Variants in ZNF449 observed in about 807,000 individuals in gnomAD.
ZNF449 encodes the protein zinc finger protein 449.
Under a neutral mutation model 32.6 loss-of-function variants are expected in ZNF449, and 4 were observed. The observed-to-expected ratio is 0.12, with a 90% CI of 0.06 to 0.28. The LOEUF (loss-of-function observed/expected upper bound fraction) is 0.28. ZNF449 is among the 10% of genes least tolerant of loss of function. The pLI is 1.00. For synonymous variants in ZNF449, 123 were observed against 132.2 expected (o/e 0.93, Z 0.48); for missense variants, 275 against 383.2 (o/e 0.72, Z 2.36).
At chrX:135,350,316 C>G (rs782796027) in intron 3 of ZNF449, among the ~76,000 whole-genome samples, 188 of 111,799 alleles carry the variant, frequency 1.7e-3, no homozygotes, top group African/African-American at 5.7e-3. Context: ...CCAGTGTTCC[C>G]TGTACCTCTT....
chrX:135,347,987 T>A (rs191952690), intron 2 of ZNF449: 133 of 164,118 alleles, frequency 8.1e-4, no homozygotes, highest in Non-Finnish European at 1.5e-3. Context: ...AGAAACATAG[T>A]TTGTTATAAA....
At chrX:135,357,113 T>G (rs1359030801) in intron 3 of ZNF449, among the ~76,000 whole-genome samples, 1 of 112,084 alleles carries the variant, frequency 8.9e-6, no homozygotes, top group African/African-American at 3.2e-5. Flanking sequence ...TAGTGTCCTT[T>G]GTAGCCCAAA....
chrX:135,350,439 C>T (rs1270161189), intron 3 of ZNF449, among the ~76,000 whole-genome samples: 1 of 111,720 alleles, frequency 9.0e-6, no homozygotes, highest in Non-Finnish European at 1.9e-5. Flanking sequence ...ATACTGAGAC[C>T]ACAGAAGACA....
chrX:135,353,142 A>T (rs2084897524), intron 3 of ZNF449, among the ~76,000 whole-genome samples: 1 of 111,246 alleles, frequency 9.0e-6, no homozygotes, highest in South Asian at 3.8e-4. Context: ...TCCATAGGTT[A>T]CCTAAGTATC....
chrX:135,345,728 C>T (rs2084841089), intron 1 of ZNF449, among the ~76,000 whole-genome samples: 1 of 111,568 alleles, frequency 9.0e-6, no homozygotes, highest in African/African-American at 3.3e-5. Flanking sequence ...AAGGGGGATA[C>T]AAGGACAGAG....
rs782682913 is a variant in ZNF449, at chrX:135,361,120, C to A, written c.*44C>A. ...GGTCTTACACAAATTGACACTAACTCAAAAAAAATCTTAACCTGCAGCAGG... is the reference window on the plus strand; with the variant it reads ...GGTCTTACACAAATTGACACTAACTAAAAAAAAATCTTAACCTGCAGCAGG... On this transcript the variant is annotated 3_prime_UTR_variant, in exon 5 of 5. Coordinates refer to ENST00000339249, the MANE Select transcript of ZNF449 (RefSeq NM_152695.6). 3 of 1,063,489 alleles carry A rather than the reference C, an allele frequency of 2.8e-6. No homozygotes were observed. Among genetic ancestry groups the A allele is most frequent in the African/African-American group, 1.9e-5 (1 of 52,813 alleles). 87.6% of individuals were successfully genotyped at this position (1,063,489 alleles called of 1,213,427 possible). A position where few individuals can be genotyped will look rare whatever the true frequency, so the allele number is the denominator to read the frequency against.
rs548525118 is a variant in ZNF449, at chrX:135,350,446, G to A, written c.559+1132G>A. Reference sequence around the variant, plus strand: ...ACTGTTAAATACTGAGACCACAGAAGACACATAAAAAATGAAAATAAGAAC... The same window carrying A: ...ACTGTTAAATACTGAGACCACAGAAAACACATAAAAAATGAAAATAAGAAC... On this transcript the variant is annotated intron_variant, in intron 3 of 4. Coordinates refer to ENST00000339249, the MANE Select transcript of ZNF449 (RefSeq NM_152695.6). Among the ~76,000 whole-genome samples, 7 of 111,913 alleles carry A rather than the reference G, an allele frequency of 6.3e-5. No homozygotes were observed. The South Asian group carries it at 2.6e-3, about 42-fold the overall frequency.
chrX:135,351,452 A>G (rs532076486), intron 3 of ZNF449, among the ~76,000 whole-genome samples: 5 of 110,827 alleles, frequency 4.5e-5, no homozygotes, highest in African/African-American at 1.6e-4. Flanking sequence ...ACAAAAGAGG[A>G]AGATCAGATT....
At chrX:135,347,827 G>T in intron 2 of ZNF449, 1 of 420,753 alleles carries the variant, frequency 2.4e-6, no homozygotes, top group Non-Finnish European at 3.9e-6. Context: ...GTATGTAATG[G>T]TTTTTTTATC....
chrX:135,346,112 T>G (rs1487785894), intron 1 of ZNF449, among the ~76,000 whole-genome samples: 3 of 112,421 alleles, frequency 2.7e-5, no homozygotes, highest in African/African-American at 9.7e-5. Flanking sequence ...ACCCAGCTCC[T>G]AACCTTGGGT....
intron 3 of ZNF449, 95 bp downstream of exon 3, chrX:135,349,409 A>C: frequency 1.2e-6 from 1 of 827,376 alleles, no homozygotes; most frequent in Non-Finnish European, 1.7e-6. Context: ...CAATTACTCA[A>C]TGGAAATTGA....
intron 3 of ZNF449, 62 bp downstream of exon 3, chrX:135,349,376 G>C (rs901465321): frequency 1.9e-6 from 2 of 1,073,837 alleles, no homozygotes; most frequent in Non-Finnish European, 2.5e-6. Context: ...AACTCTCAAG[G>C]GTTGGGGTTG....
At chrX:135,348,320 G>T (rs782031864) in intron 2 of ZNF449, 142 of 125,052 alleles carry the variant, frequency 1.1e-3, no homozygotes, top group Non-Finnish European at 2.5e-3. Context: ...TTCTTGACAG[G>T]TTCTTTTTAC....
intron 2 of ZNF449, 113 bp downstream of exon 2, chrX:135,347,585 G>C: frequency 8.6e-7 from 1 of 1,168,479 alleles, no homozygotes; most frequent in East Asian, 3.2e-5. Context: ...GATTTCTCCA[G>C]AGTCCTCTTC....
At chrX:135,345,134 A>T (rs1157623175) in intron 1 of ZNF449, among the ~76,000 whole-genome samples, 1 of 112,937 alleles carries the variant, frequency 8.9e-6, no homozygotes, top group Non-Finnish European at 1.9e-5. Context: ...TAGCATCCGA[A>T]TTTGAATCAG....
chrX:135,349,934 A>G (rs1296247625), intron 3 of ZNF449, among the ~76,000 whole-genome samples: 1 of 111,549 alleles, frequency 9.0e-6, no homozygotes, highest in Non-Finnish European at 1.9e-5. Context: ...GAGAAAGTCC[A>G]AGTGGAGAAA....
Position 135,361,409 on chromosome X carries a change from A to G in ZNF449, c.*333A>G, listed in dbSNP as rs2084946784. 1 of 162,479 alleles carries G rather than the reference A, an allele frequency of 6.2e-6. No homozygotes were observed. The highest frequency in any genetic ancestry group is 3.1e-5 in the African/African-American group (1 of 32,643). The allele number at this position is 162,479 out of a possible 1,213,427, so 13.4% of individuals were successfully genotyped here. On this transcript the variant is annotated 3_prime_UTR_variant, in exon 5 of 5. Coordinates refer to ENST00000339249, the MANE Select transcript of ZNF449 (RefSeq NM_152695.6). ...CAATCCTTTTAGAGGTAGGGTCAAT[A>G]TAGTGGATAAACCTGTCTATCAGAC...
At chrX:135,351,775 C>T (rs2084889364) in intron 3 of ZNF449, among the ~76,000 whole-genome samples, 1 of 107,822 alleles carries the variant, frequency 9.3e-6, no homozygotes, top group Non-Finnish European at 1.9e-5. Context: ...CATTTGCATT[C>T]TGATTCTCCA....
chrX:135,355,761 T>C (rs1556451754), intron 3 of ZNF449, among the ~76,000 whole-genome samples: 1 of 111,869 alleles, frequency 8.9e-6, no homozygotes, highest in East Asian at 2.8e-4. Context: ...CAATTTAATG[T>C]TTTTTGGTAT....
Sources: allele counts gnomAD v4.1 joint callset (sites outside exome capture counted in the v4.1 genomes callset), GRCh38; gene constraint gnomAD v4.1.1; transcripts MANE v1.5; gene names NCBI Gene and HGNC (gene_info 2026-07-23, HGNC 2026-07-21).